The following PRSS23 variants were observed in gnomAD, a reference collection of about 807,000 sequenced individuals.
The protein encoded by PRSS23 is serine protease 23.
In PRSS23, 25 loss-of-function variants were observed where a neutral mutation model predicts 34.7. The ratio of observed to expected loss-of-function variants is 0.72; its 90% CI spans 0.53 to 1.01. The LOEUF is 1.01. Among genes scored for constraint, PRSS23 ranks in the 50% least tolerant of loss-of-function variants. The pLI is 0.00. For synonymous variants in PRSS23, 176 were observed against 186.6 expected (o/e 0.94, Z 0.46); for missense variants, 445 against 475.6 (o/e 0.94, Z 0.60).
At chr11:86,859,356 G>A (rs772581356) in intron 2 of PRSS23, among the ~76,000 whole-genome samples, 2 of 152,114 alleles carry the variant, frequency 1.3e-5, no homozygotes, top group South Asian at 2.1e-4. Flanking sequence ...CCCGTTGCAG[G>A]AGAGGAGGAT....
chr11:86,923,158 C>G (rs1030134020), intron 2 of PRSS23, among the ~76,000 whole-genome samples: 4 of 139,380 alleles, frequency 2.9e-5, no homozygotes, highest in Admixed American at 1.5e-4. Flanking sequence ...GACGGGGTCT[C>G]TGTCGCCCAG....
intron 2 of PRSS23, among the ~76,000 whole-genome samples, chr11:86,880,046 C>T (rs1047449617): frequency 2.6e-5 from 4 of 151,920 alleles, no homozygotes; most frequent in African/African-American, 7.3e-5. Context: ...GGATGGTTGC[C>T]GTGTCTGTGT....
chr11:86,817,356 C>T (rs1389200232), intron 1 of PRSS23, among the ~76,000 whole-genome samples: 2 of 152,164 alleles, frequency 1.3e-5, no homozygotes, highest in South Asian at 4.1e-4. Context: ...TATTTTTAAA[C>T]TCTTTAGATA....
At chr11:86,871,964 C>T (rs989808987) in intron 2 of PRSS23, among the ~76,000 whole-genome samples, 5 of 152,198 alleles carry the variant, frequency 3.3e-5, no homozygotes, top group Admixed American at 1.3e-4. Flanking sequence ...TGGTAAACAT[C>T]TATGTAACTA....
intron 2 of PRSS23, among the ~76,000 whole-genome samples, chr11:86,871,495 T>C (rs557064114): frequency 6.6e-6 from 1 of 152,306 alleles, no homozygotes; most frequent in East Asian, 1.9e-4. Flanking sequence ...CTGTACAGTA[T>C]TCTCTTCTCC....
intron 1 of PRSS23, among the ~76,000 whole-genome samples, chr11:86,807,336 G>T (rs919232572): frequency 1.3e-5 from 2 of 152,130 alleles, no homozygotes; most frequent in Non-Finnish European, 2.9e-5. Context: ...TTAGCCAGGG[G>T]ACTAATGACT....
At chr11:86,930,183 C>T (rs1365580457) in intron 2 of PRSS23, among the ~76,000 whole-genome samples, 1 of 90,610 alleles carries the variant, frequency 1.1e-5, no homozygotes, top group Non-Finnish European at 2.8e-5. Context: ...CAAGAAGTTC[C>T]TTTAAAAAAA....
At chr11:86,869,667 G>A (rs1447674729) in intron 2 of PRSS23, among the ~76,000 whole-genome samples, 1 of 152,136 alleles carries the variant, frequency 6.6e-6, no homozygotes, top group Non-Finnish European at 1.5e-5. Flanking sequence ...CCTCTCAAAC[G>A]TGATGGTTTA....
At chr11:86,869,774 C>T (rs748121263) in intron 2 of PRSS23, among the ~76,000 whole-genome samples, 4 of 152,228 alleles carry the variant, frequency 2.6e-5, no homozygotes, top group East Asian at 1.9e-4. Flanking sequence ...CAGATACTCA[C>T]GCAGCACCTC....
exon 3 of PRSS23, chr11:86,951,434 G>GA: frequency 6.2e-7 from 1 of 1,613,196 alleles, no homozygotes. Context: ...GTACAGTACT[G>GA]AGAACACCCC....
At chr11:86,813,279 G>T (rs1482753001), downstream of PRSS23, among the ~76,000 whole-genome samples, 1 of 152,108 alleles carries the variant, frequency 6.6e-6, no homozygotes, top group East Asian at 1.9e-4. Context: ...AAACTCATAG[G>T]CTTGCTATAC....
intron 2 of PRSS23, among the ~76,000 whole-genome samples, chr11:86,862,598 G>T (rs975229799): frequency 4.0e-5 from 6 of 151,774 alleles, no homozygotes; most frequent in Admixed American, 3.9e-4. Context: ...GTCACAGGGG[G>T]TGTAAACCCT....
chr11:86,853,891 GT>G (rs1338008594), intron 2 of PRSS23, among the ~76,000 whole-genome samples: 1 of 152,098 alleles, frequency 6.6e-6, no homozygotes, highest in Non-Finnish European at 1.5e-5. Flanking sequence ...ACCATTGCTT[GT>G]TTGTTTATCA....
At chr11:86,888,567 G>A (rs1228183040) in intron 2 of PRSS23, among the ~76,000 whole-genome samples, 1 of 152,174 alleles carries the variant, frequency 6.6e-6, no homozygotes, top group African/African-American at 2.4e-5. Context: ...GCCTGTGTTC[G>A]GTGGAGTTAC....
At chr11:86,833,181 G>A (rs1948374106) in intron 2 of PRSS23, 5 of 1,035,402 alleles carry the variant, frequency 4.8e-6, no homozygotes, top group African/African-American at 1.6e-5. Context: ...AGCCTGCATA[G>A]GAGATGACTC....
In PRSS23 at chr11:86,951,727, G is replaced by A. The variant is rs199837706; in HGVS notation, c.*442G>A. On this transcript the variant is annotated 3_prime_UTR_variant, in exon 3 of 3. Coordinates refer to the PRSS23 transcript ENST00000533902. ...AGGCTGCAATGTGGAAATAAGAGCT[G>A]TGCATTTCAATGGCTTCATGACCCC... 14 of 1,614,152 alleles carry A rather than the reference G, an allele frequency of 8.7e-6. No homozygotes were observed. The highest frequency in any genetic ancestry group is 1.2e-5 in the Non-Finnish European group (14 of 1,180,026).
chr11:86,840,795 G>A (rs887097259), intron 2 of PRSS23, among the ~76,000 whole-genome samples: 1 of 152,178 alleles, frequency 6.6e-6, no homozygotes, highest in Non-Finnish European at 1.5e-5. Flanking sequence ...TACAATTCAG[G>A]ATTAAGATAC....
intron 2 of PRSS23, among the ~76,000 whole-genome samples, chr11:86,892,892 A>C (rs568855437): frequency 5.3e-5 from 8 of 152,148 alleles, no homozygotes; most frequent in Non-Finnish European, 1.2e-4. Flanking sequence ...AAGAATTTAC[A>C]TATATATATG....
chr11:86,900,803 G>A (rs1264467441), intron 2 of PRSS23, among the ~76,000 whole-genome samples: 3 of 10,908 alleles, frequency 2.8e-4, no homozygotes, highest in African/African-American at 4.7e-4. Flanking sequence ...TTTTTTTTTT[G>A]AGACGGAGTC....
Sources: gnomAD v4.1 joint callset for allele counts (sites outside exome capture counted in the v4.1 genomes callset) on GRCh38, gnomAD v4.1.1 for gene constraint, MANE v1.5 for transcripts, NCBI Gene and HGNC (gene_info 2026-07-23, HGNC 2026-07-21) for gene names.